PMFBP1: variants seen among roughly 807,000 people sequenced by gnomAD.
PMFBP1 encodes polyamine-modulated factor 1-binding protein 1.
A neutral mutation model predicts 137.8 loss-of-function variants in PMFBP1; 131 were observed. The observed-to-expected ratio is 0.95, with a 90% CI of 0.82 to 1.10. The LOEUF (loss-of-function observed/expected upper bound fraction) is 1.10. Among genes scored for constraint, PMFBP1 ranks in the 50% least tolerant of loss-of-function variants. PMFBP1 has a pLI of 0.00. For missense variants in PMFBP1, 1,199 were observed against 1,175.4 expected (o/e 1.02, Z -0.29); for synonymous variants, 490 against 450.4 (o/e 1.09, Z -1.11).
At chr16:72,189,974 G>T in the PMFBP1 span, among the ~76,000 whole-genome samples, 1 of 152,088 alleles carries the variant, frequency 6.6e-6, no homozygotes, top group African/African-American at 2.4e-5. Context: ...ATGAGTCACG[G>T]GTCTTGGCAG....
chr16:72,191,331 G>A, the PMFBP1 span, among the ~76,000 whole-genome samples: 1 of 152,200 alleles, frequency 6.6e-6, no homozygotes, highest in Non-Finnish European at 1.5e-5. Context: ...TTCTCAAAAT[G>A]TTCTAGCATT....
chr16:72,243,401 C>CA, the PMFBP1 span, among the ~76,000 whole-genome samples: 2 of 152,136 alleles, frequency 1.3e-5, no homozygotes, highest in Non-Finnish European at 2.9e-5. Flanking sequence ...CCACTGTCAC[C>CA]ATGCAGGGAT....
At chr16:72,140,970 T>G (rs564614834) in intron 5 of PMFBP1, among the ~76,000 whole-genome samples, 3 of 132,462 alleles carry the variant, frequency 2.3e-5, no homozygotes, top group Non-Finnish European at 4.6e-5. Flanking sequence ...AGTCTCACTC[T>G]GTCGCCCAGG....
chr16:72,132,804 T>C lies in PMFBP1; in HGVS notation c.1391A>G (p.Glu464Gly). 1 of 1,614,176 alleles carries C rather than the reference T, an allele frequency of 6.2e-7. No homozygotes were observed. The highest frequency in any genetic ancestry group is 8.5e-7 in the Non-Finnish European group (1 of 1,180,028). ...KEAECKALQA[E>G]VQKLKNSLEE... ...GAGACTGTTCTTCAGCTTCTGGACCTCAGCCTGCAGGGCCTTGCACTCCGC... is the reference window on the plus strand; with the variant it reads ...GAGACTGTTCTTCAGCTTCTGGACCCCAGCCTGCAGGGCCTTGCACTCCGC... Residue 464 changes from glutamate (E) to glycine (G), a missense_variant, in exon 10 of 21, where the codon GAG (glutamate) becomes GGG (glycine). Glu to Gly is a moderately conservative substitution (Grantham distance 98). Transcript: ENST00000237353.
the PMFBP1 span, among the ~76,000 whole-genome samples, chr16:72,241,401 C>T: frequency 6.6e-6 from 1 of 152,138 alleles, no homozygotes; most frequent in Admixed American, 6.5e-5. Context: ...TGTCATTTTC[C>T]TTCAGCTACC....
intron 3 of PMFBP1, among the ~76,000 whole-genome samples, chr16:72,162,975 A>C (rs745850799): frequency 1.3e-5 from 2 of 152,272 alleles, no homozygotes; most frequent in Non-Finnish European, 2.9e-5. Context: ...AAGATGAAGT[A>C]GAAATGCTTT....
chr16:72,130,154 C>T, intron 12 of PMFBP1, 59 bp downstream of exon 12: 1 of 1,596,230 alleles, frequency 6.3e-7, no homozygotes, highest in Non-Finnish European at 8.5e-7. Context: ...TGCTCCTAGT[C>T]TGTGTTTTAT....
chr16:72,216,433 A>G, the PMFBP1 span, among the ~76,000 whole-genome samples: 1 of 152,166 alleles, frequency 6.6e-6, no homozygotes, highest in Non-Finnish European at 1.5e-5. Flanking sequence ...GTGAGTGACA[A>G]GGACACCATC....
the PMFBP1 span, among the ~76,000 whole-genome samples, chr16:72,242,000 T>C: frequency 6.6e-6 from 1 of 152,214 alleles, no homozygotes; most frequent in African/African-American, 2.4e-5. Context: ...ACACATCTTG[T>C]CTGGCACGGT....
the PMFBP1 span, among the ~76,000 whole-genome samples, chr16:72,202,300 G>C: frequency 1.3e-5 from 2 of 152,264 alleles, no homozygotes; most frequent in Non-Finnish European, 2.9e-5. Flanking sequence ...AATCATTCCA[G>C]CTGGCATCCT....
the PMFBP1 span, among the ~76,000 whole-genome samples, chr16:72,198,154 C>T: frequency 1.5e-4 from 23 of 152,180 alleles, 1 homozygote; most frequent in South Asian, 3.9e-3. Context: ...CTTGAATGTA[C>T]TGTAATAGAA....
At chr16:72,192,430 G>A in the PMFBP1 span, among the ~76,000 whole-genome samples, 3 of 152,140 alleles carry the variant, frequency 2.0e-5, no homozygotes, top group African/African-American at 7.2e-5. Context: ...GCAGTTTCAT[G>A]TATTGTTTGT....
chr16:72,195,993 G>A, the PMFBP1 span, among the ~76,000 whole-genome samples: 11 of 114,690 alleles, frequency 9.6e-5, no homozygotes, highest in East Asian at 1.4e-3. Context: ...GTGTGTGTGT[G>A]TGTGTGTGTG....
At chr16:72,245,430 G>T in the PMFBP1 span, among the ~76,000 whole-genome samples, 2 of 152,162 alleles carry the variant, frequency 1.3e-5, no homozygotes, top group African/African-American at 4.8e-5. Context: ...AACCCAGATG[G>T]CCTGGCTACA....
At chr16:72,228,339 T>C in the PMFBP1 span, among the ~76,000 whole-genome samples, 1 of 152,204 alleles carries the variant, frequency 6.6e-6, no homozygotes, top group African/African-American at 2.4e-5. Context: ...AAGACCCCGA[T>C]GCAGTTTATT....
At chr16:72,171,335 C>T in intron 1 of PMFBP1, 67 bp from the exon 2 acceptor site, 3 of 1,120,996 alleles carry the variant, frequency 2.7e-6, no homozygotes, top group Non-Finnish European at 3.9e-6. Context: ...AAGATTTTCC[C>T]AGCTGGATCT....
At chr16:72,230,422 CAT>C in the PMFBP1 span, among the ~76,000 whole-genome samples, 1 of 152,148 alleles carries the variant, frequency 6.6e-6, no homozygotes, top group Non-Finnish European at 1.5e-5. Flanking sequence ...TTTAATTACT[CAT>C]ATGCCCATGA....
In PMFBP1 at chr16:72,140,321, G is replaced by T. The variant is rs2042697548; in HGVS notation, c.807+91C>A. On this transcript the variant is annotated intron_variant, in intron 6 of 20. Coordinates refer to ENST00000237353, the MANE Select transcript of PMFBP1 (RefSeq NM_031293.3). ...ACATTTGAGGATTCTCGGCGAAAAA[G>T]ATTAATTTAGGTGACTCTTTTCCCC... 2.3e-6 allele frequency: 3 copies of T among 1,332,298 alleles called. No individual in the cohort carries two copies. In the Admixed American group the frequency reaches 6.1e-5, roughly 27 times the overall value. The allele number at this position is 1,332,298 out of a possible 1,614,324, so 82.5% of individuals were successfully genotyped here.
chr16:72,244,386 T>C, the PMFBP1 span, among the ~76,000 whole-genome samples: 7 of 152,132 alleles, frequency 4.6e-5, no homozygotes, highest in Non-Finnish European at 1.0e-4. Flanking sequence ...GTTGTAAATG[T>C]GTAGAAAAGA....
Sources: allele counts gnomAD v4.1 joint callset (sites outside exome capture counted in the v4.1 genomes callset), GRCh38; gene constraint gnomAD v4.1.1; transcripts MANE v1.5; gene names NCBI Gene and HGNC (gene_info 2026-07-23, HGNC 2026-07-21).